The following ATXN1 variants were observed in gnomAD, a reference collection of about 807,000 sequenced individuals.
ATXN1 encodes the protein ataxin 1.
In ATXN1, 8 loss-of-function variants were observed where a neutral mutation model predicts 56.4. The observed-to-expected ratio is 0.14, with a 90% CI of 0.08 to 0.26. The LOEUF is 0.26. Ranked by LOEUF, ATXN1 falls within the 10% of genes least tolerant of loss-of-function variation. The pLI, the probability that ATXN1 is intolerant of heterozygous loss-of-function variation, is 1.00. For missense variants in ATXN1, 987 were observed against 1,106.5 expected (o/e 0.89, Z 1.53); for synonymous variants, 514 against 494.6 (o/e 1.04, Z -0.52).
intron 4 of ATXN1, among the ~76,000 whole-genome samples, chr6:16,546,127 A>C (rs906492206): frequency 1.2e-4 from 18 of 152,210 alleles, no homozygotes; most frequent in African/African-American, 4.3e-4. Context: ...GGAAGAATCA[A>C]GGTGTGCATT....
At chr6:16,707,099 A>G (rs947511354) in intron 2 of ATXN1, among the ~76,000 whole-genome samples, 14 of 152,214 alleles carry the variant, frequency 9.2e-5, no homozygotes, top group African/African-American at 2.6e-4. Context: ...GTTCCTCCTC[A>G]GGAATCTGTA....
intron 2 of ATXN1, among the ~76,000 whole-genome samples, chr6:16,745,300 CT>C (rs1322250054): frequency 6.6e-6 from 1 of 152,168 alleles, no homozygotes; most frequent in East Asian, 1.9e-4. Flanking sequence ...AAGACATTCG[CT>C]GCGGCTTTAC....
intron 2 of ATXN1, among the ~76,000 whole-genome samples, chr6:16,695,300 G>A (rs1307414194): frequency 2.6e-5 from 4 of 152,192 alleles, no homozygotes; most frequent in East Asian, 1.9e-4. Flanking sequence ...GAAACAAGGC[G>A]TAATTTATCA....
chr6:16,732,581 A>AC (rs1491420174), intron 2 of ATXN1, among the ~76,000 whole-genome samples: 6 of 151,376 alleles, frequency 4.0e-5, no homozygotes, highest in East Asian at 1.9e-4. Flanking sequence ...ACACACACAC[A>AC]AAAAAAAATC....
chr6:16,732,169 CA>C (rs1327425052), intron 2 of ATXN1, among the ~76,000 whole-genome samples: 2 of 152,054 alleles, frequency 1.3e-5, no homozygotes, highest in African/African-American at 4.8e-5. Flanking sequence ...AATTTTTCTC[CA>C]AGCAAAAAGA....
intron 4 of ATXN1, among the ~76,000 whole-genome samples, chr6:16,566,108 G>A (rs903670705): frequency 9.2e-5 from 14 of 152,040 alleles, no homozygotes; most frequent in Non-Finnish European, 1.5e-4. Flanking sequence ...AAAGATTTAC[G>A]TTGAATAACA....
At chr6:16,375,258 A>T (rs887568012) in intron 6 of ATXN1, among the ~76,000 whole-genome samples, 7 of 152,244 alleles carry the variant, frequency 4.6e-5, no homozygotes, top group Non-Finnish European at 8.8e-5. Flanking sequence ...TTATTGCCCA[A>T]GCTTAACTTC....
chr6:16,634,583 T>C (rs1318365154), intron 3 of ATXN1, among the ~76,000 whole-genome samples: 1 of 152,188 alleles, frequency 6.6e-6, no homozygotes, highest in Non-Finnish European at 1.5e-5. Context: ...TCTGCATTCC[T>C]CTCCCACCTC....
At chr6:16,325,076 C>T (rs970658583) in intron 7 of ATXN1, among the ~76,000 whole-genome samples, 36 of 151,856 alleles carry the variant, frequency 2.4e-4, no homozygotes, top group Non-Finnish European at 4.6e-4. Context: ...TCCCCAGCAG[C>T]CTCCTATATT....
At chr6:16,408,311 A>G (rs1388035802) in intron 6 of ATXN1, among the ~76,000 whole-genome samples, 1 of 152,204 alleles carries the variant, frequency 6.6e-6, no homozygotes. Flanking sequence ...GGCCTTGTGA[A>G]ATCTCAGTTA....
intron 3 of ATXN1, among the ~76,000 whole-genome samples, chr6:16,627,543 A>T (rs936330093): frequency 2.6e-5 from 4 of 152,116 alleles, no homozygotes; most frequent in African/African-American, 7.2e-5. Context: ...CCTGGCCAAC[A>T]TGGTGAAATC....
rs932903919 is a variant in ATXN1 at position 16,312,979 on chromosome 6, G to A, written c.1918-6120C>T. Among the ~76,000 whole-genome samples, 8 of 152,264 alleles carry A rather than the reference G, an allele frequency of 5.3e-5. No individual in the cohort carries two copies. In the East Asian group the frequency reaches 5.8e-4, roughly 11 times the overall value. ...TGCAACCTCTGCTTCCTAGGTTCAA[G>A]CTATTCTCCTGTCTCAGCCTCCTGA... On this transcript the variant is annotated intron_variant, in intron 7 of 7. Coordinates refer to ENST00000436367, the MANE Select transcript of ATXN1 (RefSeq NM_001128164.2).
chr6:16,343,964 T>C (rs775390173), intron 6 of ATXN1, among the ~76,000 whole-genome samples: 2 of 152,226 alleles, frequency 1.3e-5, no homozygotes, highest in African/African-American at 2.4e-5. Context: ...CGCAAGGCAC[T>C]GTCACCTGTT....
rs530654915 is a variant in ATXN1 at position 16,371,632 on chromosome 6, C to T, written c.-160-43162G>A. Among the ~76,000 whole-genome samples the T allele has an allele frequency of 5.9e-5, 9 of 152,298 alleles. No individual in the cohort carries two copies. The East Asian group carries it at 1.5e-3, about 26-fold the overall frequency. On this transcript the variant is annotated intron_variant, in intron 6 of 7. Transcript: ENST00000436367. ...GCAGTGGTGCAATCATAGCTCACTG[C>T]AGTCTCAAACTGCTGGCTCAAGTGA...
At chr6:16,354,545 C>T (rs1183688659) in intron 6 of ATXN1, among the ~76,000 whole-genome samples, 2 of 152,166 alleles carry the variant, frequency 1.3e-5, no homozygotes, top group Non-Finnish European at 2.9e-5. Context: ...CCACCGCACT[C>T]GGACCCTTCT....
At chr6:16,721,801 A>G (rs1208378807) in intron 2 of ATXN1, among the ~76,000 whole-genome samples, 1 of 152,152 alleles carries the variant, frequency 6.6e-6, no homozygotes, top group African/African-American at 2.4e-5. Flanking sequence ...TGTTTTCCTC[A>G]GAAGATGTGC....
At chr6:16,630,749 A>C (rs1167814258) in intron 3 of ATXN1, among the ~76,000 whole-genome samples, 1 of 152,252 alleles carries the variant, frequency 6.6e-6, no homozygotes, top group East Asian at 1.9e-4. Flanking sequence ...GATACTTGTC[A>C]GAAGATATTA....
chr6:16,408,286 G>C lies in ATXN1; in HGVS notation c.-161+77686C>G, dbSNP rs372491091. Among the ~76,000 whole-genome samples, 14 of 152,220 alleles carry C rather than the reference G, an allele frequency of 9.2e-5. No individual in the cohort carries two copies. The East Asian group carries it at 2.1e-3, about 23-fold the overall frequency. ...GAAACGGGAGTTGATAATAACATTC[G>C]AGAAGGGGGTCTGGGGCCTTGTGAA... On this transcript the variant is annotated intron_variant, in intron 6 of 7. Transcript: ENST00000436367.
chr6:16,382,136 G>A (rs1349467622), intron 6 of ATXN1, among the ~76,000 whole-genome samples: 1 of 152,098 alleles, frequency 6.6e-6, no homozygotes, highest in Admixed American at 6.6e-5. Context: ...TTGAGGCCAG[G>A]AGTTTAAGAC....
Sources: gnomAD v4.1 joint callset for allele counts (sites outside exome capture counted in the v4.1 genomes callset) on GRCh38, gnomAD v4.1.1 for gene constraint, MANE v1.5 for transcripts, NCBI Gene and HGNC (gene_info 2026-07-23, HGNC 2026-07-21) for gene names.